Variants in CACNA2D4 observed in about 807,000 individuals in gnomAD.
CACNA2D4 encodes calcium voltage-gated channel auxiliary subunit alpha2delta 4, also known as voltage-dependent calcium channel subunit alpha-2/delta-4.
CACNA2D4 carries 157 observed loss-of-function variants against 163.8 expected under a neutral mutation model. The observed-to-expected ratio is 0.96, with a 90% CI of 0.84 to 1.09. The LOEUF (loss-of-function observed/expected upper bound fraction) is 1.09, where lower values mean the gene tolerates loss of function less well. Among genes scored for constraint, CACNA2D4 ranks in the 50% least tolerant of loss-of-function variants. The pLI is 0.00. For synonymous variants in CACNA2D4, 598 were observed against 586.9 expected, an observed-to-expected ratio of 1.02 and a Z score of -0.27; for missense variants, 1,410 against 1,479.9, an observed-to-expected ratio of 0.95 and a Z score of 0.78.
At chr12:1,823,731 A>T (rs1372372086) in intron 26 of CACNA2D4, among the ~76,000 whole-genome samples, 1 of 152,196 alleles carries the variant, frequency 6.6e-6, no homozygotes, top group Non-Finnish European at 1.5e-5. Flanking sequence ...TCTTGCTTGC[A>T]TCTCAGTCCA....
rs1864542619 is a variant in CACNA2D4, at chr12:1,829,902, T to C, written c.2551+10837A>G. ...TTTCACGATGAGCAGGCTTCTCTGCTACTCAGGAGGACACTTAGGGGTTTT... is the reference window on the plus strand; with the variant it reads ...TTTCACGATGAGCAGGCTTCTCTGCCACTCAGGAGGACACTTAGGGGTTTT... On this transcript the variant is annotated intron_variant, in intron 26 of 37. Coordinates refer to ENST00000382722, the MANE Select transcript of CACNA2D4 (RefSeq NM_172364.5). The surrounding 1 kb of genome is among the most constrained non-coding windows in gnomAD (Gnocchi z 4.2). Among the ~76,000 whole-genome samples, 1 of 152,122 alleles carries C rather than the reference T, an allele frequency of 6.6e-6. No homozygotes were observed. Among genetic ancestry groups the C allele is most frequent in the Non-Finnish European group, 1.5e-5 (1 of 68,018 alleles).
chr12:1,818,901 A>T (rs549679865), intron 26 of CACNA2D4, among the ~76,000 whole-genome samples: 265 of 125,636 alleles, frequency 2.1e-3, no homozygotes, highest in Middle Eastern at 0.014. Context: ...CTTTGTTCAC[A>T]TGTTTATCTG....
chr12:1,839,033 A>G (rs999104610), intron 26 of CACNA2D4, among the ~76,000 whole-genome samples: 1 of 152,114 alleles, frequency 6.6e-6, no homozygotes, highest in African/African-American at 2.4e-5. Flanking sequence ...AGACGGAGCC[A>G]TTCTCCCCCC....
Position 1,802,755 on chromosome 12 carries a change from G to A in CACNA2D4, c.2722-1111C>T, listed in dbSNP as rs991964523. ...TCTCCCTGCCGATTACCCTTCCTCT[G>A]TCCTCATGCCAAGGAACTTCTTTCC... On this transcript the variant is annotated intron_variant, in intron 29 of 37. Transcript: ENST00000382722. This position sits in a 1 kb window ranked among gnomAD's most constrained non-coding sequence, Gnocchi z 4.7. Among the ~76,000 whole-genome samples, 1 of 152,214 alleles carries A rather than the reference G, an allele frequency of 6.6e-6. No homozygotes were observed. Among genetic ancestry groups the A allele is most frequent in the African/African-American group, 2.4e-5 (1 of 41,446 alleles).
At chr12:1,855,664 T>G (rs1453218442) in intron 22 of CACNA2D4, among the ~76,000 whole-genome samples, 1 of 152,122 alleles carries the variant, frequency 6.6e-6, no homozygotes, top group African/African-American at 2.4e-5. Flanking sequence ...TGCCCAGAGG[T>G]CCACTTCTAG....
At position 1,829,566 on chromosome 12, in the gene CACNA2D4, G is replaced by A. The variant is rs1011598618; in HGVS notation, c.2551+11173C>T. ...CACGTGTCAGCTCTCAGCTGTCATC[G>A]ATCCTCCAGGCAGGGAAGGGGAGAG... On this transcript the variant is annotated intron_variant, in intron 26 of 37. Coordinates refer to ENST00000382722, the MANE Select transcript of CACNA2D4 (RefSeq NM_172364.5). The surrounding 1 kb of genome is among the most constrained non-coding windows in gnomAD (Gnocchi z 4.2). Among the ~76,000 whole-genome samples the A allele has an allele frequency of 3.9e-5, 6 of 151,996 alleles. No homozygotes were observed. The highest frequency in any genetic ancestry group is 3.9e-4 in the East Asian group (2 of 5,142).
intron 26 of CACNA2D4, among the ~76,000 whole-genome samples, chr12:1,818,706 C>T (rs1381728862): frequency 1.3e-5 from 2 of 148,914 alleles, no homozygotes; most frequent in Non-Finnish European, 3.0e-5. Flanking sequence ...GACCTTCCCT[C>T]CACTATTGTC....
chr12:1,847,337 G>T (rs538342938), intron 23 of CACNA2D4, among the ~76,000 whole-genome samples: 45 of 152,314 alleles, frequency 3.0e-4, no homozygotes, highest in Non-Finnish European at 6.0e-4. Flanking sequence ...TGGATAGGAG[G>T]CTATTACCTA....
intron 4 of CACNA2D4, 122 bp from the exon 5 acceptor site, chr12:1,908,159 A>G: frequency 9.8e-7 from 1 of 1,024,968 alleles, no homozygotes; most frequent in South Asian, 1.6e-5. Context: ...ATCAGAGTCT[A>G]CACAAGCACC....
chr12:1,880,005 C>T (rs914063988), intron 13 of CACNA2D4, 124 bp from the exon 14 acceptor site: 1 of 606,570 alleles, frequency 1.6e-6, no homozygotes, highest in Non-Finnish European at 3.0e-6. Flanking sequence ...CACCTTCCCA[C>T]AGGAAGGAGG....
rs1439811344 is a variant in CACNA2D4, at chr12:1,797,404, C to G, written c.3113+14G>C. On this transcript the variant is annotated intron_variant, in intron 35 of 37. Coordinates refer to ENST00000382722, the MANE Select transcript of CACNA2D4 (RefSeq NM_172364.5). ...GAGTGTGGCGGGACGGGCGGCGCCG[C>G]CCTGCGGTCTTACTTCTGGCAGGGC... 1.3e-6 allele frequency: 2 copies of G among 1,517,272 alleles called. No homozygotes were observed. Among genetic ancestry groups the G allele is most frequent in the African/African-American group, 2.8e-5 (2 of 72,632 alleles). 94.0% of individuals were successfully genotyped at this position (1,517,272 alleles called of 1,614,324 possible). A position where few individuals can be genotyped will look rare whatever the true frequency, so the allele number is the denominator to read the frequency against.
intron 12 of CACNA2D4, 84 bp downstream of exon 12, chr12:1,884,159 C>A (rs1284549975): frequency 8.1e-7 from 1 of 1,235,660 alleles, no homozygotes; most frequent in East Asian, 2.5e-5. Flanking sequence ...TGGGGAAGCC[C>A]GTGCTCAGCA....
rs116469572 is a variant in CACNA2D4 at position 1,857,672 on chromosome 12, G to A, written c.2008+905C>T. 3.7e-3 allele frequency among the ~76,000 whole-genome samples: 556 copies of A among 152,218 alleles called. 2 individuals are homozygous for A. Among genetic ancestry groups the A allele is most frequent in the African/African-American group, 0.013 (538 of 41,526 alleles). On this transcript the variant is annotated intron_variant, in intron 20 of 37. Coordinates refer to ENST00000382722, the MANE Select transcript of CACNA2D4 (RefSeq NM_172364.5). ...GGTGATTGGGCCACAGTAAGTCACCGGCAGGAGGGATGGGGTTGGATGGGG... is the reference window on the plus strand; with the variant it reads ...GGTGATTGGGCCACAGTAAGTCACCAGCAGGAGGGATGGGGTTGGATGGGG...
Position 1,869,794 on chromosome 12 carries a change from A to C in CACNA2D4, c.1878+4810T>G, listed in dbSNP as rs1865732336. Among the ~76,000 whole-genome samples, 1 of 152,220 alleles carries C rather than the reference A, an allele frequency of 6.6e-6. No individual in the cohort carries two copies. The highest frequency in any genetic ancestry group is 1.5e-5 in the Non-Finnish European group (1 of 68,044). On this transcript the variant is annotated intron_variant, in intron 18 of 37. Coordinates refer to ENST00000382722, the MANE Select transcript of CACNA2D4 (RefSeq NM_172364.5). This position sits in a 1 kb window ranked among gnomAD's most constrained non-coding sequence, Gnocchi z 4.7. Reference sequence around the variant, plus strand: ...CCAAGCCCTAACCATTTCTCCGCTGAGATTCTCCATCTGTTCCCTCATTAT... The same window carrying C: ...CCAAGCCCTAACCATTTCTCCGCTGCGATTCTCCATCTGTTCCCTCATTAT...
chr12:1,869,887 A>T lies in CACNA2D4; in HGVS notation c.1878+4717T>A, dbSNP rs1050017369. On this transcript the variant is annotated intron_variant, in intron 18 of 37. Coordinates refer to ENST00000382722, the MANE Select transcript of CACNA2D4 (RefSeq NM_172364.5). The surrounding 1 kb of genome is among the most constrained non-coding windows in gnomAD (Gnocchi z 4.7). Reference sequence around the variant, plus strand: ...TCATTCTAATTCTAACAGCTGGGTCATAACACTTTTTATTATATACTGGAT... The same window carrying T: ...TCATTCTAATTCTAACAGCTGGGTCTTAACACTTTTTATTATATACTGGAT... Among the ~76,000 whole-genome samples, 1 of 152,262 alleles carries T rather than the reference A, an allele frequency of 6.6e-6. No homozygotes were observed. Among genetic ancestry groups the T allele is most frequent in the African/African-American group, 2.4e-5 (1 of 41,464 alleles).
In CACNA2D4 at chr12:1,799,175, C is replaced by T. The variant is rs2154445201; in HGVS notation, c.2995+500G>A. ...CTTTGAAAGGCCAGGCTCATTGCCGCCCTGCACGTGTGGCCACAGCCACCG... is the reference window on the plus strand; with the variant it reads ...CTTTGAAAGGCCAGGCTCATTGCCGTCCTGCACGTGTGGCCACAGCCACCG... On this transcript the variant is annotated intron_variant, in intron 34 of 37. Coordinates refer to ENST00000382722, the MANE Select transcript of CACNA2D4 (RefSeq NM_172364.5). The surrounding 1 kb of genome is among the most constrained non-coding windows in gnomAD (Gnocchi z 4.7). Among the ~76,000 whole-genome samples the T allele has an allele frequency of 6.6e-6, 1 of 152,182 alleles. No individual in the cohort carries two copies. Among genetic ancestry groups the T allele is most frequent in the East Asian group, 1.9e-4 (1 of 5,178 alleles).
intron 18 of CACNA2D4, among the ~76,000 whole-genome samples, chr12:1,867,401 AT>A (rs1283044986): frequency 6.6e-6 from 1 of 151,734 alleles, no homozygotes; most frequent in Non-Finnish European, 1.5e-5. Flanking sequence ...CTTTTTCCCC[AT>A]TTTCCCCCTG....
At chr12:1,822,133 C>T (rs11608292) in intron 26 of CACNA2D4, 10,446 of 152,200 alleles carry the variant, frequency 0.069, 475 homozygotes, top group Non-Finnish European at 0.1. Flanking sequence ...GCCAGGCCCG[C>T]GGGGAGGGGT....
chr12:1,884,221 T>C (rs1592732889), intron 12 of CACNA2D4, 22 bp downstream of exon 12: 2 of 1,605,482 alleles, frequency 1.2e-6, no homozygotes, highest in South Asian at 2.2e-5. Context: ...GGTGGGAAGG[T>C]ACCTGCTGGC....
Sources: gnomAD v4.1 joint callset for allele counts (sites outside exome capture counted in the v4.1 genomes callset) on GRCh38, gnomAD v4.1.1 for gene constraint, Gnocchi (gnomAD v3.1) non-coding constraint, MANE v1.5 for transcripts, NCBI Gene and HGNC (gene_info 2026-07-23, HGNC 2026-07-21) for gene names.